NAALADL2: variants seen among roughly 807,000 people sequenced by gnomAD.
The protein encoded by NAALADL2 is N-acetylated alpha-linked acidic dipeptidase like 2.
In NAALADL2, 76 loss-of-function variants were observed where a neutral mutation model predicts 87.2. That is an observed-to-expected ratio of 0.87 (90% confidence interval 0.72 to 1.05). NAALADL2 has a LOEUF of 1.05. Among genes scored for constraint, NAALADL2 ranks in the 50% least tolerant of loss-of-function variants. The pLI, the probability that NAALADL2 is intolerant of heterozygous loss-of-function variation, is 0.00. For missense variants in NAALADL2, 1,089 were observed against 945.8 expected (o/e 1.15, Z -1.99); for synonymous variants, 354 against 331.0 (o/e 1.07, Z -0.75).
chr3:174,710,438 G>A (rs1177433634), intron 2 of NAALADL2, among the ~76,000 whole-genome samples: 2 of 151,946 alleles, frequency 1.3e-5, no homozygotes, highest in African/African-American at 2.4e-5. Flanking sequence ...ATTTTTAGTA[G>A]AGACGGGATT....
chr3:174,743,094 C>T (rs1733912291), intron 3 of NAALADL2, among the ~76,000 whole-genome samples: 1 of 151,710 alleles, frequency 6.6e-6, no homozygotes, highest in African/African-American at 2.4e-5. Flanking sequence ...GATGTGATAA[C>T]ATCAAAGTAA....
intron 1 of NAALADL2, among the ~76,000 whole-genome samples, chr3:174,898,792 TA>T (rs1394442464): frequency 6.6e-6 from 1 of 152,112 alleles, no homozygotes; most frequent in African/African-American, 2.4e-5. Context: ...TTTTTGGAAA[TA>T]AATCCTGGAT....
chr3:174,712,414 G>A (rs1730738981), intron 2 of NAALADL2, among the ~76,000 whole-genome samples: 1 of 104,866 alleles, frequency 9.5e-6, no homozygotes, highest in Non-Finnish European at 1.8e-5. Flanking sequence ...TTGAGACAGA[G>A]TCTTGCTCTG....
intron 10 of NAALADL2, among the ~76,000 whole-genome samples, chr3:175,600,711 G>T (rs1307676958): frequency 6.6e-6 from 1 of 151,284 alleles, no homozygotes; most frequent in Non-Finnish European, 1.5e-5. Context: ...CTAATTTTTT[G>T]TATTTTTAGT....
intron 10 of NAALADL2, among the ~76,000 whole-genome samples, chr3:175,601,626 C>T (rs900867358): frequency 6.6e-6 from 1 of 152,116 alleles, no homozygotes; most frequent in Admixed American, 6.5e-5. Flanking sequence ...CATACTATCT[C>T]CCATAAAGAT....
intron 5 of NAALADL2, among the ~76,000 whole-genome samples, chr3:175,407,008 C>T (rs1238722826): frequency 1.3e-5 from 2 of 152,088 alleles, no homozygotes; most frequent in East Asian, 1.9e-4. Flanking sequence ...TGGTGAAACC[C>T]CGTCTCTACT....
intron 3 of NAALADL2, among the ~76,000 whole-genome samples, chr3:174,754,916 A>G (rs1711814906): frequency 6.6e-6 from 1 of 152,210 alleles, no homozygotes; most frequent in Admixed American, 6.5e-5. Context: ...AAACAGAGTT[A>G]GAAAAGGTAA....
At chr3:174,779,130 T>C (rs904217962) in intron 3 of NAALADL2, among the ~76,000 whole-genome samples, 2 of 152,174 alleles carry the variant, frequency 1.3e-5, no homozygotes, top group African/African-American at 4.8e-5. Flanking sequence ...CCACATTCTC[T>C]CCAGCATCTG....
intron 2 of NAALADL2, among the ~76,000 whole-genome samples, chr3:175,173,175 C>A (rs900847628): frequency 1.3e-5 from 2 of 151,922 alleles, no homozygotes; most frequent in African/African-American, 4.8e-5. Flanking sequence ...GCCTGTAGTC[C>A]CAGCTACTCG....
At chr3:175,426,141 A>T (rs1581834455) in intron 5 of NAALADL2, among the ~76,000 whole-genome samples, 1 of 152,162 alleles carries the variant, frequency 6.6e-6, no homozygotes, top group South Asian at 2.1e-4. Context: ...AGGCGGGCGG[A>T]TCACTTAAGG....
At chr3:175,243,628 A>G (rs1178010952) in intron 3 of NAALADL2, among the ~76,000 whole-genome samples, 4 of 146,982 alleles carry the variant, frequency 2.7e-5, no homozygotes, top group African/African-American at 1.0e-4. Flanking sequence ...TAGATTGCCA[A>G]TTACAGCATG....
chr3:175,684,105 A>G (rs1735959353), intron 11 of NAALADL2, among the ~76,000 whole-genome samples: 1 of 151,972 alleles, frequency 6.6e-6, no homozygotes. Flanking sequence ...GATGCATTAT[A>G]TTGACAGTGT....
At chr3:175,136,444 G>A (rs1460286865) in intron 2 of NAALADL2, among the ~76,000 whole-genome samples, 1 of 152,178 alleles carries the variant, frequency 6.6e-6, no homozygotes, top group East Asian at 1.9e-4. Flanking sequence ...GGTTAAAGTG[G>A]CACTGAGACT....
At chr3:174,903,301 G>A (rs1732528017) in intron 1 of NAALADL2, among the ~76,000 whole-genome samples, 1 of 152,032 alleles carries the variant, frequency 6.6e-6, no homozygotes, top group Non-Finnish European at 1.5e-5. Flanking sequence ...GTAATAAGAA[G>A]ACGCAATAAT....
intron 1 of NAALADL2, among the ~76,000 whole-genome samples, chr3:175,072,446 TTATCTAGC>T (rs1715820742): frequency 1.3e-5 from 2 of 151,906 alleles, no homozygotes; most frequent in South Asian, 4.1e-4. Context: ...ACATGCAAAA[TTATCTAGC>T]TATGTCTAAA....
At chr3:174,535,502 A>G (rs1721638739) in intron 1 of NAALADL2, among the ~76,000 whole-genome samples, 1 of 152,184 alleles carries the variant, frequency 6.6e-6, no homozygotes, top group Non-Finnish European at 1.5e-5. Context: ...TTTTGGCTAA[A>G]GCAAAGCTTT....
intron 1 of NAALADL2, among the ~76,000 whole-genome samples, chr3:175,026,619 C>T (rs1043908445): frequency 1.3e-5 from 2 of 151,226 alleles, no homozygotes; most frequent in African/African-American, 4.9e-5. Context: ...CACTCAATTG[C>T]ACTTCAGCCC....
At chr3:175,031,560 A>T (rs1752801994) in intron 1 of NAALADL2, among the ~76,000 whole-genome samples, 1 of 152,050 alleles carries the variant, frequency 6.6e-6, no homozygotes, top group South Asian at 2.1e-4. Context: ...TGCTACTGTG[A>T]ATAGTGCTGA....
intron 2 of NAALADL2, among the ~76,000 whole-genome samples, chr3:175,155,592 C>G (rs952626531): frequency 7.9e-5 from 12 of 151,870 alleles, no homozygotes; most frequent in Non-Finnish European, 4.4e-5. Flanking sequence ...TATTAATGAT[C>G]TTTTTCTATT....
Sources: gnomAD v4.1 joint callset for allele counts (sites outside exome capture counted in the v4.1 genomes callset) on GRCh38, gnomAD v4.1.1 for gene constraint, MANE v1.5 for transcripts, NCBI Gene and HGNC (gene_info 2026-07-23, HGNC 2026-07-21) for gene names.